PCSK1N: variants seen among roughly 807,000 people sequenced by gnomAD.
The protein encoded by PCSK1N is proprotein convertase subtilisin/kexin type 1 inhibitor.
PCSK1N carries 8 observed loss-of-function variants against 10.6 expected under a neutral mutation model. The ratio of observed to expected loss-of-function variants is 0.76; its 90% confidence interval spans 0.44 to 1.37. The LOEUF (loss-of-function observed/expected upper bound fraction) is 1.37. Among genes scored for constraint, PCSK1N ranks in the 40% most tolerant of loss-of-function variants. The pLI, the probability that PCSK1N is intolerant of heterozygous loss-of-function variation, is 0.00. For missense variants in PCSK1N, 301 were observed against 268.5 expected (o/e 1.12, Z -0.84); for synonymous variants, 143 against 137.1 (o/e 1.04, Z -0.30).
chrX:48,831,347 A>AG lies in PCSK1N; in HGVS notation c.695dup (p.Glu233Ter). 2 of 1,156,303 alleles carry AG rather than the reference A, an allele frequency of 1.7e-6. No individual in the cohort carries two copies. Among genetic ancestry groups the AG allele is most frequent in the Non-Finnish European group, 1.1e-6 (1 of 870,614 alleles). ...GCAGCAGCGCCCCCAGCACGCCCTC[A>AG]GGGGGCAGCTCAGAGCCCACATCGT... On this transcript the variant is annotated frameshift_variant, in exon 3 of 3. Transcript: ENST00000218230. LOFTEE classifies it high-confidence loss of function.
At chrX:48,831,505 C>A (rs1332424785) in intron 2 of PCSK1N, 50 bp from the exon 3 acceptor site, 13 of 921,281 alleles carry the variant, frequency 1.4e-5, no homozygotes, top group African/African-American at 2.1e-5. Context: ...GTGGGGCGTT[C>A]CCCCGCCCCA....
chrX:48,831,251 G>T lies in PCSK1N; in HGVS notation c.*9C>A. On this transcript the variant is annotated 3_prime_UTR_variant, in exon 3 of 3. Coordinates refer to ENST00000218230, the MANE Select transcript of PCSK1N (RefSeq NM_013271.5). ...CTGGGTCCCAGGGTGCACGGGATCCGGGCAGTGCTCAGGGTGGCAAGAGGC... is the reference window on the plus strand; with the variant it reads ...CTGGGTCCCAGGGTGCACGGGATCCTGGCAGTGCTCAGGGTGGCAAGAGGC... 1 of 1,168,708 alleles carries T rather than the reference G, an allele frequency of 8.6e-7. No homozygotes were observed. Among genetic ancestry groups the T allele is most frequent in the East Asian group, 3.2e-5 (1 of 31,099 alleles).
chrX:48,832,269 C>T lies in PCSK1N; in HGVS notation c.187G>A (p.Val63Met), dbSNP rs1602292139. The change falls in exon 2 of 3, where the codon GTG becomes ATG. Residue 63 changes from valine (V) to methionine (M), a missense_variant. By Grantham distance (21) the Val-to-Met change is conservative. Coordinates refer to ENST00000218230, the MANE Select transcript of PCSK1N (RefSeq NM_013271.5). The part of the protein sequence containing the change: ...TGAPRRFRRS[V>M]PRGEAAGAVQ... ...GCCCCCGCCGCCTCACCTCGGGGCA[C>T]TGACCGCCGGAAGCGGCGAGGAGCG... 8.7e-7 allele frequency: 1 copy of T among 1,150,060 alleles called. No homozygotes were observed. Among genetic ancestry groups the T allele is most frequent in the East Asian group, 3.4e-5 (1 of 29,618 alleles). The allele number at this position is 1,150,060 out of a possible 1,213,427, so 94.8% of individuals were successfully genotyped here.
At position 48,832,236 on chromosome X, in the gene PCSK1N, C is replaced by T. The variant is rs782155825; in HGVS notation, c.220G>A (p.Glu74Lys). ...PRGEAAGAVQ[E>K]LARALAHLLE... ...AGATGCGCCAGCGCCCGCGCCAGCT[C>T]CTGCACCGCCCCCGCCGCCTCACCT... The change falls in exon 2 of 3, where the codon GAG becomes AAG. Residue 74 changes from glutamate to lysine, a missense_variant. By Grantham distance (56) the Glu-to-Lys change is moderately conservative. Coordinates refer to ENST00000218230, the MANE Select transcript of PCSK1N (RefSeq NM_013271.5). 50 of 1,150,801 alleles carry T rather than the reference C, an allele frequency of 4.3e-5. No individual in the cohort carries two copies. The highest frequency in any genetic ancestry group is 5.5e-5 in the Non-Finnish European group (48 of 870,643). 94.8% of individuals were successfully genotyped at this position (1,150,801 alleles called of 1,213,427 possible). A position where few individuals can be genotyped will look rare whatever the true frequency, so the allele number is the denominator to read the frequency against.
Position 48,835,425 on chromosome X carries a change from C to A in PCSK1N, c.108G>T (p.Pro36=). Residue 36 remains proline (P), a synonymous_variant, in exon 1 of 3, where the codon CCG becomes CCT. Coordinates refer to ENST00000218230, the MANE Select transcript of PCSK1N (RefSeq NM_013271.5). The part of the protein sequence containing the change: ...FRPPPALCAR[P]VKEPRGLSAA... ...CGCCGGACTGGGGTCGCACCTTTAC[C>A]GGCCGCGCGCAGAGCGCGGGGGGCG... The A allele has an allele frequency of 1.1e-6, 1 of 919,506 alleles. No individual in the cohort carries two copies. The highest frequency in any genetic ancestry group is 1.4e-6 in the Non-Finnish European group (1 of 735,514). 75.8% of individuals were successfully genotyped at this position (919,506 alleles called of 1,213,427 possible).
chrX:48,833,766 T>A (rs1427918989), intron 1 of PCSK1N, among the ~76,000 whole-genome samples: 1 of 111,784 alleles, frequency 8.9e-6, no homozygotes, highest in Non-Finnish European at 1.9e-5. Flanking sequence ...CAATGTCCAC[T>A]GACAAATTGA....
intron 1 of PCSK1N, among the ~76,000 whole-genome samples, chrX:48,833,792 T>A (rs1175823640): frequency 9.0e-6 from 1 of 111,296 alleles, no homozygotes; most frequent in African/African-American, 3.3e-5. Flanking sequence ...CATATATAAA[T>A]CATGATGTCC....
chrX:48,832,079 T>C lies in PCSK1N; in HGVS notation c.377A>G (p.Asp126Gly), dbSNP rs1557033539. The change falls in exon 2 of 3, where the codon GAC becomes GGC. Residue 126 changes from aspartate to glycine, a missense_variant. Coordinates refer to ENST00000218230, the MANE Select transcript of PCSK1N (RefSeq NM_013271.5). The part of the protein sequence containing the change: ...PRNSDPALGL[D>G]DDPDAPAAQL... ...CGCTGCAGGCGCGTCGGGGTCGTCGTCCAGGCCCAGAGCCGGATCAGAGTT... is the reference window on the plus strand; with the variant it reads ...CGCTGCAGGCGCGTCGGGGTCGTCGCCCAGGCCCAGAGCCGGATCAGAGTT... 2 of 1,120,099 alleles carry C rather than the reference T, an allele frequency of 1.8e-6. No individual in the cohort carries two copies. Among genetic ancestry groups the C allele is most frequent in the Non-Finnish European group, 2.3e-6 (2 of 858,362 alleles). 92.3% of individuals were successfully genotyped at this position (1,120,099 alleles called of 1,213,427 possible).
At chrX:48,831,520 C>A in intron 2 of PCSK1N, 65 bp from the exon 3 acceptor site, 1 of 884,491 alleles carries the variant, frequency 1.1e-6, no homozygotes, top group South Asian at 2.9e-5. Context: ...GCCCCACGCT[C>A]GGGGCCCAGA....
chrX:48,832,836 A>G (rs1557033721), intron 1 of PCSK1N, among the ~76,000 whole-genome samples: 3 of 110,946 alleles, frequency 2.7e-5, no homozygotes, highest in African/African-American at 9.8e-5. Flanking sequence ...AAAGAAATAA[A>G]AGAGGGTACC....
chrX:48,833,438 C>T (rs1383185843), intron 1 of PCSK1N, among the ~76,000 whole-genome samples: 2 of 111,719 alleles, frequency 1.8e-5, no homozygotes, highest in Non-Finnish European at 1.9e-5. Context: ...AATTAAAATG[C>T]CAGGGAGATA....
chrX:48,835,383 C>T, intron 1 of PCSK1N, 36 bp downstream of exon 1: 1 of 659,269 alleles, frequency 1.5e-6, no homozygotes, highest in Non-Finnish European at 2.0e-6. Context: ...TGGCATCCTC[C>T]CCCAACCCCC....
Position 48,831,298 on chromosome X carries a change from C to T in PCSK1N, c.745G>A (p.Ala249Thr), listed in dbSNP as rs1557033318. ...AGGCGGCGTGCAGGCACCTGGGGCG[C>T]CGGGGTCTCTAGGCGTTTCACACGC... ...LLRVKRLETP[A>T]PQVPARRLLP... The change falls in exon 3 of 3, where the codon GCG becomes ACG. Residue 249 changes from alanine (A) to threonine (T), a missense_variant. Ala to Thr is a moderately conservative substitution (Grantham distance 58, BLOSUM62 0). Coordinates refer to ENST00000218230, the MANE Select transcript of PCSK1N (RefSeq NM_013271.5). The T allele has an allele frequency of 8.5e-7, 1 of 1,181,451 alleles. No individual in the cohort carries two copies. Among genetic ancestry groups the T allele is most frequent in the South Asian group, 1.8e-5 (1 of 54,123 alleles).
rs782207991 is a variant in PCSK1N at position 48,831,349 on chromosome X, G to C, written c.694C>G (p.Pro232Ala). 1 of 1,152,004 alleles carries C rather than the reference G, an allele frequency of 8.7e-7. No homozygotes were observed. 94.9% of individuals were successfully genotyped at this position (1,152,004 alleles called of 1,213,427 possible). Reference sequence around the variant, plus strand: ...AGCAGCGCCCCCAGCACGCCCTCAGGGGGCAGCTCAGAGCCCACATCGTGG... The same window carrying C: ...AGCAGCGCCCCCAGCACGCCCTCAGCGGGCAGCTCAGAGCCCACATCGTGG... The part of the protein sequence containing the change: ...ADHDVGSELP[P>A]EGVLGALLRV... Residue 232 changes from proline to alanine, a missense_variant, in exon 3 of 3, where the codon CCT becomes GCT. Pro to Ala is a conservative substitution (Grantham distance 27). Coordinates refer to ENST00000218230, the MANE Select transcript of PCSK1N (RefSeq NM_013271.5).
chrX:48,835,539 C>G lies in PCSK1N; in HGVS notation c.-7G>C. 1.2e-6 allele frequency: 1 copy of G among 858,737 alleles called. No homozygotes were observed. The highest frequency in any genetic ancestry group is 1.5e-6 in the Non-Finnish European group (1 of 686,353). The allele number at this position is 858,737 out of a possible 1,213,427, so 70.8% of individuals were successfully genotyped here. On this transcript the variant is annotated 5_prime_UTR_variant, in exon 1 of 3. Coordinates refer to ENST00000218230, the MANE Select transcript of PCSK1N (RefSeq NM_013271.5). Reference sequence around the variant, plus strand: ...GCAGCGGCGACCCCGCCATGCTGCCCCAGCGAGCCGGGCTCCGGACGGGCG... The same window carrying G: ...GCAGCGGCGACCCCGCCATGCTGCCGCAGCGAGCCGGGCTCCGGACGGGCG...
Position 48,831,185 on chromosome X carries a change from T to C in PCSK1N, c.*75A>G. 1.1e-6 allele frequency: 1 copy of C among 898,084 alleles called. No individual in the cohort carries two copies. Among genetic ancestry groups the C allele is most frequent in the Non-Finnish European group, 1.5e-6 (1 of 665,173 alleles). 74.0% of individuals were successfully genotyped at this position (898,084 alleles called of 1,213,427 possible). A position where few individuals can be genotyped will look rare whatever the true frequency, so the allele number is the denominator to read the frequency against. ...CCGGGGTAAGTTGCTCTGGACGTGCTGGCGGGGAGCAGTCCTGGTGGCGGG... is the reference window on the plus strand; with the variant it reads ...CCGGGGTAAGTTGCTCTGGACGTGCCGGCGGGGAGCAGTCCTGGTGGCGGG... On this transcript the variant is annotated 3_prime_UTR_variant, in exon 3 of 3. Coordinates refer to ENST00000218230, the MANE Select transcript of PCSK1N (RefSeq NM_013271.5).
In PCSK1N at chrX:48,832,112, G is replaced by A. The variant is rs1267587635; in HGVS notation, c.344C>T (p.Ala115Val). The A allele has an allele frequency of 2.6e-5, 29 of 1,122,693 alleles. No homozygotes were observed. Among genetic ancestry groups the A allele is most frequent in the South Asian group, 1.0e-4 (5 of 48,956 alleles). 92.5% of individuals were successfully genotyped at this position (1,122,693 alleles called of 1,213,427 possible). ...CAGAGCCGGATCAGAGTTGCGGGGG[G>A]CGCCCCAGACGCGCAGCAGCTGCGC... is the stretch of plus-strand genomic sequence containing the variant. Reference protein sequence around the residue: ...VLAQLLRVWGAPRNSDPALGL... With the variant: ...VLAQLLRVWGVPRNSDPALGL... The change falls in exon 2 of 3, where the codon GCC (alanine) becomes GTC (valine). Residue 115 changes from alanine (A) to valine (V), a missense_variant. Transcript: ENST00000218230.
intron 1 of PCSK1N, among the ~76,000 whole-genome samples, chrX:48,833,589 G>T (rs1167901113): frequency 9.0e-6 from 1 of 111,606 alleles, no homozygotes; most frequent in Non-Finnish European, 1.9e-5. Context: ...AGAGCGGTTT[G>T]ACAATATCTA....
chrX:48,832,435 A>G lies in PCSK1N; in HGVS notation c.115-94T>C, dbSNP rs966391942. On this transcript the variant is annotated intron_variant, in intron 1 of 2. Coordinates refer to ENST00000218230, the MANE Select transcript of PCSK1N (RefSeq NM_013271.5). ...AAGCTTCGTAGGCCTCAAACATCCC[A>G]GATGCCACCAAAAGCACCGTGACCA... is the stretch of plus-strand genomic sequence containing the variant. 1.2e-5 allele frequency: 8 copies of G among 667,042 alleles called. No homozygotes were observed. In the Admixed American group the frequency reaches 2.3e-4, roughly 19 times the overall value. 55.0% of individuals were successfully genotyped at this position (667,042 alleles called of 1,213,427 possible).
Sources: allele counts gnomAD v4.1 joint callset (sites outside exome capture counted in the v4.1 genomes callset), GRCh38; gene constraint gnomAD v4.1.1; transcripts MANE v1.5; gene names NCBI Gene and HGNC (gene_info 2026-07-23, HGNC 2026-07-21).